ABCB9: variants seen among roughly 807,000 people sequenced by gnomAD.
ABCB9 encodes ATP binding cassette subfamily B member 9.
ABCB9 carries 36 observed loss-of-function variants against 62.0 expected under a neutral mutation model. The observed-to-expected ratio is 0.58, with a 90% CI of 0.45 to 0.77. The LOEUF is 0.77. ABCB9 is among the 30% of genes least tolerant of loss of function. ABCB9 has a pLI of 0.00. For synonymous variants in ABCB9, 435 were observed against 461.4 expected (o/e 0.94, Z 0.73); for missense variants, 943 against 1,054.7 (o/e 0.89, Z 1.47).
intron 1 of ABCB9, among the ~76,000 whole-genome samples, chr12:122,965,419 T>C (rs996203206): frequency 4.6e-5 from 7 of 152,254 alleles, no homozygotes; most frequent in Admixed American, 3.9e-4. Flanking sequence ...GCCTGCTGGG[T>C]GGGAGGGCCT....
intron 9 of ABCB9, among the ~76,000 whole-genome samples, chr12:122,938,371 A>C (rs2035565408): frequency 6.6e-6 from 1 of 151,892 alleles, no homozygotes; most frequent in South Asian, 2.1e-4. Context: ...ACATTTCTAC[A>C]AAAAAATAAA....
chr12:122,921,342 A>G (rs2034741621), intron 11 of ABCB9, among the ~76,000 whole-genome samples: 1 of 152,084 alleles, frequency 6.6e-6, no homozygotes, highest in African/African-American at 2.4e-5. Flanking sequence ...TTGAGCCCAG[A>G]AGTTCAAGGC....
At position 122,932,206 on chromosome 12, in the gene ABCB9, C is replaced by A; in HGVS notation, c.2026G>T (p.Glu676Ter). ...LDEATSALDA[E>*]SEYLIQQAIH... ...CTGTGACTCACCAGATACTCGCTCT[C>A]GGCATCCAAAGCGCTGGTGGCTTCA... Residue 676 changes from glutamate to a stop codon, truncating the protein, a stop_gained, in exon 11 of 12, where the codon GAG becomes TAG. Coordinates refer to ENST00000280560, the MANE Select transcript of ABCB9 (RefSeq NM_019625.4). LOFTEE classifies it low-confidence loss of function (END_TRUNC). The surrounding 1 kb of genome is among the most constrained non-coding windows in gnomAD (Gnocchi z 4.7). 6.4e-7 allele frequency: 1 copy of A among 1,552,816 alleles called. No individual in the cohort carries two copies. Among genetic ancestry groups the A allele is most frequent in the South Asian group, 1.2e-5 (1 of 84,116 alleles).
chr12:122,969,184 C>A (rs868188143), upstream of ABCB9, among the ~76,000 whole-genome samples: 1 of 147,982 alleles, frequency 6.8e-6, no homozygotes, highest in African/African-American at 2.5e-5. Flanking sequence ...ACCCCCCCCC[C>A]CCCCCCGGCT....
chr12:122,960,373 G>A lies in ABCB9; in HGVS notation c.-87-51C>T, dbSNP rs1017292194. On this transcript the variant is annotated intron_variant, in intron 1 of 11. Transcript: ENST00000280560. Reference sequence around the variant, plus strand: ...CACAAGGGGTTCAGGTTTGCCACTCGCTGGCTGTGTGACCTTGAGAAAGTC... The same window carrying A: ...CACAAGGGGTTCAGGTTTGCCACTCACTGGCTGTGTGACCTTGAGAAAGTC... 11 of 1,223,448 alleles carry A rather than the reference G, an allele frequency of 9.0e-6. No individual in the cohort carries two copies. The Admixed American group carries it at 1.4e-4, about 16-fold the overall frequency. 75.8% of individuals were successfully genotyped at this position (1,223,448 alleles called of 1,614,324 possible).
chr12:122,947,628 G>A lies in ABCB9; in HGVS notation c.1053+996C>T. 1 of 283,106 alleles carries A rather than the reference G, an allele frequency of 3.5e-6. No homozygotes were observed. Among genetic ancestry groups the A allele is most frequent in the South Asian group, 2.7e-5 (1 of 37,274 alleles). The allele number at this position is 283,106 out of a possible 1,614,324, so 17.5% of individuals were successfully genotyped here. A position where few individuals can be genotyped will look rare whatever the true frequency, so the allele number is the denominator to read the frequency against. On this transcript the variant is annotated intron_variant, in intron 5 of 11. Transcript: ENST00000280560. This position sits in a 1 kb window ranked among gnomAD's most constrained non-coding sequence, Gnocchi z 6.0. ...GCCTGTCTGTCCCTTAGGGCTCGGGGGCACCCGCCCATTCAGGAAGCAGGA... is the reference window on the plus strand; with the variant it reads ...GCCTGTCTGTCCCTTAGGGCTCGGGAGCACCCGCCCATTCAGGAAGCAGGA...
intron 1 of ABCB9, among the ~76,000 whole-genome samples, chr12:122,973,470 A>G (rs1012409220): frequency 4.2e-5 from 6 of 141,188 alleles, no homozygotes; most frequent in African/African-American, 1.6e-4. Flanking sequence ...AGGCTGAGGC[A>G]GGAGAATGGC....
Position 122,940,704 on chromosome 12 carries a change from G to T in ABCB9, c.1569+103C>A. ...CTCCTGGAGGGCAATGATCTTGCCT[G>T]ACATATTCCCAGCTGCCCTGCCACA... On this transcript the variant is annotated intron_variant, in intron 8 of 11. Transcript: ENST00000280560. This position sits in a 1 kb window ranked among gnomAD's most constrained non-coding sequence, Gnocchi z 4.8. 1.5e-6 allele frequency: 2 copies of T among 1,378,778 alleles called. No individual in the cohort carries two copies. The highest frequency in any genetic ancestry group is 3.0e-5 in the South Asian group (2 of 67,508). The allele number at this position is 1,378,778 out of a possible 1,614,324, so 85.4% of individuals were successfully genotyped here. A position where few individuals can be genotyped will look rare whatever the true frequency, so the allele number is the denominator to read the frequency against.
downstream of ABCB9, among the ~76,000 whole-genome samples, chr12:122,927,966 T>A (rs2135742408): frequency 6.6e-6 from 1 of 152,286 alleles, no homozygotes; most frequent in East Asian, 1.9e-4. Flanking sequence ...AAAAAGGAAG[T>A]CCTGAGGTTA....
rs147943974 is a variant in ABCB9 at position 122,932,743 on chromosome 12, G to A, written c.1904-415C>T. ...CCACAGATGTGTGGCCTGTGGCCCC[G>A]CAAGCCCACCTGGACCAATTTTCCC... On this transcript the variant is annotated intron_variant, in intron 10 of 11. Coordinates refer to ENST00000280560, the MANE Select transcript of ABCB9 (RefSeq NM_019625.4). The surrounding 1 kb of genome is among the most constrained non-coding windows in gnomAD (Gnocchi z 4.7). Among the ~76,000 whole-genome samples, 252 of 152,206 alleles carry A rather than the reference G, an allele frequency of 1.7e-3. No individual in the cohort carries two copies. The highest frequency in any genetic ancestry group is 5.8e-3 in the African/African-American group (242 of 41,528).
downstream of ABCB9, among the ~76,000 whole-genome samples, chr12:122,920,474 G>A (rs1016704068): frequency 6.6e-6 from 1 of 152,148 alleles, no homozygotes; most frequent in Non-Finnish European, 1.5e-5. Flanking sequence ...CAGGGTTCGG[G>A]CTGCCTGTGT....
chr12:122,960,444 T>A (rs955900964), intron 1 of ABCB9, 122 bp from the exon 2 acceptor site: 8 of 668,036 alleles, frequency 1.2e-5, no homozygotes, highest in Admixed American at 3.0e-5. Flanking sequence ...AAAATGGCAA[T>A]ATCAACTTCC....
At position 122,944,251 on chromosome 12, in the gene ABCB9, AT is replaced by A; in HGVS notation, c.1380+139del. ...GCCTAGTATTATCATTCTTGATATGATCATGCTGTCTCCCCTACTTACCTTA... is the reference window on the plus strand; with the variant it reads ...GCCTAGTATTATCATTCTTGATATGACATGCTGTCTCCCCTACTTACCTTA... On this transcript the variant is annotated intron_variant, in intron 7 of 11. Coordinates refer to ENST00000280560, the MANE Select transcript of ABCB9 (RefSeq NM_019625.4). This position sits in a 1 kb window ranked among gnomAD's most constrained non-coding sequence, Gnocchi z 4.9. 1 of 1,294,778 alleles carries A rather than the reference AT, an allele frequency of 7.7e-7. No homozygotes were observed. The allele number at this position is 1,294,778 out of a possible 1,614,324, so 80.2% of individuals were successfully genotyped here.
At chr12:122,941,289 C>G (rs977630112) in intron 7 of ABCB9, among the ~76,000 whole-genome samples, 1 of 150,860 alleles carries the variant, frequency 6.6e-6, no homozygotes, top group Non-Finnish European at 1.5e-5. Context: ...CAGCCTTGAT[C>G]TTTCAATTGC....
At chr12:122,953,246 T>C (rs2036453162) in intron 2 of ABCB9, among the ~76,000 whole-genome samples, 1 of 151,622 alleles carries the variant, frequency 6.6e-6, no homozygotes, top group Non-Finnish European at 1.5e-5. Context: ...GGAGTCTCAG[T>C]CTGTTACCCA....
chr12:122,935,470 T>C, intron 9 of ABCB9, 39 bp from the exon 10 acceptor site: 1 of 1,594,272 alleles, frequency 6.3e-7, no homozygotes, highest in South Asian at 1.1e-5. Flanking sequence ...AGGCCAGGAA[T>C]GTGTTCATCC....
At position 122,947,524 on chromosome 12, in the gene ABCB9, TA is replaced by T. The variant is rs1468496483; in HGVS notation, c.1053+1099del. ...TGCATCCAAGCCCCTGCTCTAGAAG[TA>T]CCCCACGTGGGCCTGGGTGACTGTG... On this transcript the variant is annotated intron_variant, in intron 5 of 11. Transcript: ENST00000280560. This position sits in a 1 kb window ranked among gnomAD's most constrained non-coding sequence, Gnocchi z 6.0. 1 of 451,186 alleles carries T rather than the reference TA, an allele frequency of 2.2e-6. No homozygotes were observed. The highest frequency in any genetic ancestry group is 4.5e-6 in the Non-Finnish European group (1 of 223,666). The allele number at this position is 451,186 out of a possible 1,614,324, so 27.9% of individuals were successfully genotyped here.
intron 7 of ABCB9, among the ~76,000 whole-genome samples, chr12:122,943,235 C>A (rs1803679955): frequency 6.6e-6 from 1 of 152,188 alleles, no homozygotes; most frequent in Admixed American, 6.5e-5. Context: ...CAGTTGCCCA[C>A]ACTGGTAACT....
chr12:122,950,561 C>G lies in ABCB9; in HGVS notation c.606G>C (p.Glu202Asp). ...SFFLIVAALG[E>D]TFLPYYTGRA... ...GGCCCGTGTAGTAGGGCAGGAAGGTCTCTCCTGGGGGAGGCAGGGCAGCCT... is the reference window on the plus strand; with the variant it reads ...GGCCCGTGTAGTAGGGCAGGAAGGTGTCTCCTGGGGGAGGCAGGGCAGCCT... Residue 202 changes from glutamate (E) to aspartate (D), a missense_variant, in exon 3 of 12, where the codon GAG (glutamate) becomes GAC (aspartate). Transcript: ENST00000280560. 6.2e-7 allele frequency: 1 copy of G among 1,611,654 alleles called. No individual in the cohort carries two copies. The highest frequency in any genetic ancestry group is 1.1e-5 in the South Asian group (1 of 90,980).
Sources: allele counts gnomAD v4.1 joint callset (sites outside exome capture counted in the v4.1 genomes callset), GRCh38; gene constraint gnomAD v4.1.1; non-coding constraint Gnocchi (gnomAD v3.1); transcripts MANE v1.5; gene names NCBI Gene and HGNC (gene_info 2026-07-23, HGNC 2026-07-21).